Variants in CHID1 observed in about 807,000 individuals in gnomAD.
CHID1 encodes the protein chitinase domain-containing protein 1.
In CHID1, 44 loss-of-function variants were observed where a neutral mutation model predicts 55.4. The observed-to-expected ratio is 0.79, with a 90% confidence interval of 0.62 to 1.02. The LOEUF is 1.02. CHID1 is among the 50% of genes least tolerant of loss of function. The pLI, the probability that CHID1 is intolerant of heterozygous loss-of-function variation, is 0.00. For synonymous variants in CHID1, 216 were observed against 212.9 expected (o/e 1.01, Z -0.13); for missense variants, 491 against 515.3 (o/e 0.95, Z 0.46).
intron 1 of CHID1, among the ~76,000 whole-genome samples, chr11:908,055 A>C (rs756888319): frequency 7.2e-5 from 11 of 152,112 alleles, no homozygotes; most frequent in Non-Finnish European, 1.5e-4. Flanking sequence ...CCAGGCAGGG[A>C]GTTTGCATGC....
intron 7 of CHID1, among the ~76,000 whole-genome samples, chr11:897,665 C>T (rs1013607460): frequency 3.3e-5 from 5 of 152,304 alleles, no homozygotes; most frequent in East Asian, 1.9e-4. Flanking sequence ...CACTGCAGTG[C>T]GCCTCCCAGC....
intron 1 of CHID1, chr11:908,699 G>T (rs1589913848): frequency 1.3e-6 from 1 of 764,572 alleles, no homozygotes; most frequent in Non-Finnish European, 1.6e-6. Flanking sequence ...TTCTCCAGGG[G>T]ACTGGCCCAG....
chr11:893,416 G>C lies in CHID1; in HGVS notation c.701+11C>G. The C allele has an allele frequency of 6.5e-7, 1 of 1,546,882 alleles. No homozygotes were observed. Among genetic ancestry groups the C allele is most frequent in the Non-Finnish European group, 8.7e-7 (1 of 1,144,970 alleles). On this transcript the variant is annotated intron_variant, in intron 8 of 12. Coordinates refer to ENST00000323578, the MANE Select transcript of CHID1 (RefSeq NM_023947.4). ...CCACAGCCACCCCCACATCTCAAGAGCGGCACTTACCCGGGGGTGATGGCA... is the reference window on the plus strand; with the variant it reads ...CCACAGCCACCCCCACATCTCAAGACCGGCACTTACCCGGGGGTGATGGCA...
intron 10 of CHID1, 131 bp from the exon 11 acceptor site, chr11:870,630 G>T (rs1284196282): frequency 6.1e-6 from 4 of 659,148 alleles, no homozygotes; most frequent in Admixed American, 4.9e-5. Flanking sequence ...GTGGTCTGGG[G>T]GACAACACCT....
At chr11:899,929 C>T (rs552766222) in intron 6 of CHID1, 75 bp downstream of exon 6, 100 of 1,076,246 alleles carry the variant, frequency 9.3e-5, no homozygotes, top group South Asian at 5.2e-5. Flanking sequence ...GGAGGCCTCG[C>T]GGGAGGCCCA....
chr11:895,603 T>C (rs958122100), intron 7 of CHID1, among the ~76,000 whole-genome samples: 31 of 152,154 alleles, frequency 2.0e-4, no homozygotes, highest in African/African-American at 7.0e-4. Context: ...GATCCAGAGC[T>C]CAGGAGGGAC....
chr11:904,954 C>T, intron 1 of CHID1, 95 bp from the exon 2 acceptor site: 2 of 1,372,316 alleles, frequency 1.5e-6, no homozygotes, highest in Non-Finnish European at 2.0e-6. Flanking sequence ...CCTAATAGGG[C>T]CTGGGTCCTC....
At position 875,973 on chromosome 11, in the gene CHID1, C is replaced by T. The variant is rs1302921935; in HGVS notation, c.960-5474G>A. Among the ~76,000 whole-genome samples, 7 of 152,186 alleles carry T rather than the reference C, an allele frequency of 4.6e-5. No homozygotes were observed. The highest frequency in any genetic ancestry group is 2.6e-4 in the Admixed American group (4 of 15,272). Reference sequence around the variant, plus strand: ...GGGTGGCAGGCGCCGCATTGCTTGGCGGTGCACGTGGTGTGTGGGGGCATG... The same window carrying T: ...GGGTGGCAGGCGCCGCATTGCTTGGTGGTGCACGTGGTGTGTGGGGGCATG... On this transcript the variant is annotated intron_variant, in intron 10 of 12. Transcript: ENST00000323578. The surrounding 1 kb of genome is among the most constrained non-coding windows in gnomAD (Gnocchi z 4.7).
intron 8 of CHID1, 29 bp from the exon 9 acceptor site, chr11:884,198 G>C (rs1183263335): frequency 6.3e-7 from 1 of 1,580,994 alleles, no homozygotes. Flanking sequence ...GCCACCTCAG[G>C]CTGCTATGCC....
chr11:909,745 T>C (rs1394790953), intron 1 of CHID1, among the ~76,000 whole-genome samples: 1 of 152,238 alleles, frequency 6.6e-6, no homozygotes, highest in Non-Finnish European at 1.5e-5. Context: ...CTCTGGCCTG[T>C]GATCCTAGCA....
intron 4 of CHID1, among the ~76,000 whole-genome samples, chr11:901,513 G>A (rs916351656): frequency 6.6e-6 from 1 of 152,132 alleles, no homozygotes; most frequent in Admixed American, 6.5e-5. Flanking sequence ...ACGTCATCAG[G>A]TCAGGATGTG....
chr11:892,090 G>A (rs948731725), intron 8 of CHID1, among the ~76,000 whole-genome samples: 30 of 152,158 alleles, frequency 2.0e-4, no homozygotes, highest in East Asian at 5.8e-4. Flanking sequence ...ACTCCAGCCT[G>A]GGCGACAGAG....
intron 4 of CHID1, 72 bp downstream of exon 4, chr11:902,126 A>G (rs779894278): frequency 1.9e-6 from 3 of 1,580,574 alleles, no homozygotes; most frequent in Non-Finnish European, 2.6e-6. Context: ...TCACACACAC[A>G]CACCCCTGCT....
chr11:870,045 G>A (rs1224494867), intron 12 of CHID1, 76 bp downstream of exon 12: 2 of 1,607,700 alleles, frequency 1.2e-6, no homozygotes, highest in African/African-American at 2.7e-5. Flanking sequence ...AGCACCGCCT[G>A]GACCCCAGGC....
chr11:906,004 G>A (rs977769504), intron 1 of CHID1, among the ~76,000 whole-genome samples: 24 of 152,292 alleles, frequency 1.6e-4, no homozygotes, highest in African/African-American at 5.8e-4. Context: ...CACAAATCAA[G>A]AAAAGACATT....
intron 8 of CHID1, among the ~76,000 whole-genome samples, chr11:885,828 G>C (rs1850349560): frequency 6.6e-6 from 1 of 152,192 alleles, no homozygotes; most frequent in Non-Finnish European, 1.5e-5. Flanking sequence ...CTGGGCTCAA[G>C]CAATCCTCTT....
At chr11:870,565 C>T (rs1589811452) in intron 10 of CHID1, 66 bp from the exon 11 acceptor site, 1 of 1,208,782 alleles carries the variant, frequency 8.3e-7, no homozygotes, top group East Asian at 2.5e-5. Flanking sequence ...CCTGTACCCC[C>T]AAAGGCTGTG....
intron 1 of CHID1, chr11:908,695 A>G: frequency 1.2e-6 from 1 of 803,862 alleles, no homozygotes; most frequent in Non-Finnish European, 1.5e-6. Flanking sequence ...GTGGTTCTCC[A>G]GGGGACTGGC....
At position 904,824 on chromosome 11, in the gene CHID1, G is replaced by A. The variant is rs371236986; in HGVS notation, c.-8C>T. The A allele has an allele frequency of 3.9e-5, 63 of 1,613,608 alleles. 1 individual carries two copies. Among genetic ancestry groups the A allele is most frequent in the Non-Finnish European group, 4.7e-5 (55 of 1,179,998 alleles). ...GTTGAAGAGTGTCCGCATGGTAGGT[G>A]TGTCACAGTAGGGTCCAACCTCGGG... On this transcript the variant is annotated 5_prime_UTR_variant, in exon 2 of 13. Transcript: ENST00000323578.
Sources: gnomAD v4.1 joint callset for allele counts (sites outside exome capture counted in the v4.1 genomes callset) on GRCh38, gnomAD v4.1.1 for gene constraint, Gnocchi (gnomAD v3.1) non-coding constraint, MANE v1.5 for transcripts, NCBI Gene and HGNC (gene_info 2026-07-23, HGNC 2026-07-21) for gene names.